PLA2G4A: variants seen among roughly 807,000 people sequenced by gnomAD.
PLA2G4A encodes the protein phospholipase A2 group IVA, also known as cytosolic phospholipase A2.
In PLA2G4A, 40 loss-of-function variants were observed where a neutral mutation model predicts 81.9. The ratio of observed to expected loss-of-function variants is 0.49; its 90% confidence interval spans 0.38 to 0.64. The LOEUF (loss-of-function observed/expected upper bound fraction) is 0.64, where lower values mean the gene tolerates loss of function less well. Among genes scored for constraint, PLA2G4A ranks in the 30% least tolerant of loss-of-function variants. The pLI is 0.00. For synonymous variants in PLA2G4A, 302 were observed against 296.9 expected, an observed-to-expected ratio of 1.02 and a Z score of -0.18; for missense variants, 715 against 905.1, an observed-to-expected ratio of 0.79 and a Z score of 2.69.
intron 6 of PLA2G4A, among the ~76,000 whole-genome samples, chr1:186,909,965 A>G (rs1427845111): frequency 6.6e-6 from 1 of 152,136 alleles, no homozygotes; most frequent in Admixed American, 6.5e-5. Context: ...AAATGGATGC[A>G]TGAGAATATT....
chr1:186,838,444 T>G (rs934357865), intron 1 of PLA2G4A, among the ~76,000 whole-genome samples: 4 of 152,180 alleles, frequency 2.6e-5, no homozygotes, highest in African/African-American at 9.6e-5. Context: ...AGAGTTCCTT[T>G]ATCTAAGGTA....
intron 7 of PLA2G4A, among the ~76,000 whole-genome samples, chr1:186,914,023 C>T (rs1324239596): frequency 6.6e-6 from 1 of 152,040 alleles, no homozygotes; most frequent in South Asian, 2.1e-4. Context: ...CTAAGGAAAC[C>T]TTCATTAAAG....
intron 13 of PLA2G4A, among the ~76,000 whole-genome samples, chr1:186,950,976 C>A (rs1438752425): frequency 6.6e-6 from 1 of 152,090 alleles, no homozygotes; most frequent in African/African-American, 2.4e-5. Context: ...ATGAACAGAT[C>A]CAAGATGGTA....
chr1:186,852,550 C>A (rs927051464), intron 1 of PLA2G4A, among the ~76,000 whole-genome samples: 1 of 151,976 alleles, frequency 6.6e-6, no homozygotes, highest in African/African-American at 2.4e-5. Context: ...CCTGGTGAGG[C>A]TATTCTTTTC....
intron 17 of PLA2G4A, among the ~76,000 whole-genome samples, chr1:186,981,620 G>A (rs1201748362): frequency 2.0e-5 from 3 of 152,022 alleles, no homozygotes; most frequent in Admixed American, 2.0e-4. Context: ...CAGTTTAGTG[G>A]CATTAAGTAC....
At chr1:186,832,056 A>G (rs1261093082) in intron 1 of PLA2G4A, among the ~76,000 whole-genome samples, 1 of 152,116 alleles carries the variant, frequency 6.6e-6, no homozygotes. Context: ...ATCCATGAGC[A>G]AAAGAGTATG....
intron 14 of PLA2G4A, among the ~76,000 whole-genome samples, chr1:186,956,775 A>C (rs1656770102): frequency 6.6e-6 from 1 of 152,036 alleles, no homozygotes; most frequent in South Asian, 2.1e-4. Context: ...TAGCCTCCCA[A>C]AGTGCTGGGA....
At chr1:186,964,183 C>T (rs1657052291) in intron 14 of PLA2G4A, among the ~76,000 whole-genome samples, 1 of 152,128 alleles carries the variant, frequency 6.6e-6, no homozygotes, top group African/African-American at 2.4e-5. Context: ...TGGGCTTTGC[C>T]AGCCTTCTTC....
At chr1:186,937,178 G>T (rs927708046) in intron 8 of PLA2G4A, among the ~76,000 whole-genome samples, 25 of 151,772 alleles carry the variant, frequency 1.6e-4, no homozygotes, top group African/African-American at 5.5e-4. Context: ...CAATGCCAAT[G>T]GTTGAAGTAT....
intron 2 of PLA2G4A, among the ~76,000 whole-genome samples, chr1:186,861,407 T>C (rs1048058787): frequency 4.6e-5 from 7 of 152,202 alleles, no homozygotes; most frequent in African/African-American, 1.7e-4. Context: ...TGGGTTTTTG[T>C]GCTCTTTTTC....
chr1:186,960,441 C>T (rs1219617920), intron 14 of PLA2G4A, among the ~76,000 whole-genome samples: 2 of 152,144 alleles, frequency 1.3e-5, no homozygotes, highest in Non-Finnish European at 2.9e-5. Context: ...TTCATTCACA[C>T]GTTTAGAAAC....
chr1:186,967,507 T>C (rs1657173197), intron 15 of PLA2G4A, among the ~76,000 whole-genome samples: 1 of 151,738 alleles, frequency 6.6e-6, no homozygotes, highest in Non-Finnish European at 1.5e-5. Flanking sequence ...AGTGGGAAAA[T>C]ACAGTTCCTG....
intron 10 of PLA2G4A, among the ~76,000 whole-genome samples, chr1:186,945,198 G>T (rs976693442): frequency 6.6e-6 from 1 of 152,092 alleles, no homozygotes; most frequent in Admixed American, 6.6e-5. Flanking sequence ...CAAGTGTAAG[G>T]TGCTGAAGTG....
intron 2 of PLA2G4A, among the ~76,000 whole-genome samples, chr1:186,862,223 C>T (rs867638323): frequency 3.2e-5 from 4 of 126,272 alleles, no homozygotes; most frequent in Non-Finnish European, 3.2e-5. Context: ...TAGTTATGAA[C>T]TTTTTTTTTG....
intron 1 of PLA2G4A, among the ~76,000 whole-genome samples, chr1:186,837,145 C>T (rs936226352): frequency 6.6e-6 from 1 of 151,946 alleles, no homozygotes; most frequent in Admixed American, 6.6e-5. Flanking sequence ...AATAAGATGA[C>T]GACGGAAAAG....
At chr1:186,878,364 C>A (rs1265611691) in intron 3 of PLA2G4A, among the ~76,000 whole-genome samples, 2 of 141,828 alleles carry the variant, frequency 1.4e-5, no homozygotes, top group Non-Finnish European at 3.0e-5. Flanking sequence ...ATAAATATAT[C>A]TTTTCTGATA....
intron 7 of PLA2G4A, among the ~76,000 whole-genome samples, chr1:186,919,360 G>A (rs1022803390): frequency 6.6e-6 from 1 of 152,108 alleles, no homozygotes; most frequent in African/African-American, 2.4e-5. Context: ...TCCCCTTTCC[G>A]AATAGTGAAT....
chr1:186,856,297 A>G lies in PLA2G4A; in HGVS notation c.33+1910A>G, dbSNP rs904866370. ...TTTCTTTAAGAAATCTTGTGTGTAT[A>G]TATATATATACATATTTTATATGTA... On this transcript the variant is annotated intron_variant, in intron 2 of 17. Transcript: ENST00000367466. 1.3e-4 allele frequency among the ~76,000 whole-genome samples: 20 copies of G among 151,470 alleles called. No homozygotes were observed. In the South Asian group the frequency reaches 1.5e-3, roughly 11 times the overall value.
intron 2 of PLA2G4A, among the ~76,000 whole-genome samples, chr1:186,857,813 T>C (rs1343647038): frequency 1.3e-5 from 2 of 152,000 alleles, no homozygotes; most frequent in African/African-American, 4.8e-5. Context: ...CCAAGTGATC[T>C]CATTGTTCAG....
Sources: gnomAD v4.1 joint callset for allele counts (sites outside exome capture counted in the v4.1 genomes callset) on GRCh38, gnomAD v4.1.1 for gene constraint, MANE v1.5 for transcripts, NCBI Gene and HGNC (gene_info 2026-07-23, HGNC 2026-07-21) for gene names.